ADD3: variants seen among roughly 807,000 people sequenced by gnomAD.
ADD3 encodes adducin 3.
ADD3 carries 25 observed loss-of-function variants against 80.2 expected under a neutral mutation model. That is an observed-to-expected ratio of 0.31 (90% CI 0.23 to 0.44). ADD3 has a LOEUF of 0.44. Ranked by LOEUF, ADD3 falls within the 20% of genes least tolerant of loss-of-function variation. ADD3 has a pLI of 1.00. For synonymous variants in ADD3, 284 were observed against 289.6 expected, an observed-to-expected ratio of 0.98 and a Z score of 0.20; for missense variants, 829 against 847.5, an observed-to-expected ratio of 0.98 and a Z score of 0.27.
chr10:110,026,966 A>T (rs984510509), intron 1 of ADD3, among the ~76,000 whole-genome samples: 1 of 152,194 alleles, frequency 6.6e-6, no homozygotes, highest in African/African-American at 2.4e-5. Context: ...GGGTCCCAAA[A>T]TCATCAGATG....
In ADD3 at chr10:110,116,192, T is replaced by G. The variant is rs1850707354; in HGVS notation, c.335-67T>G. 2.6e-6 allele frequency: 4 copies of G among 1,553,612 alleles called. No individual in the cohort carries two copies. In the South Asian group the frequency reaches 3.6e-5, roughly 14 times the overall value. On this transcript the variant is annotated intron_variant, in intron 3 of 14. Transcript: ENST00000356080. ...ATACTCCCAGACGCAGGCTACTTCCTGGCAACTAATTTCCAGGTAAGGGAT... is the reference window on the plus strand; with the variant it reads ...ATACTCCCAGACGCAGGCTACTTCCGGGCAACTAATTTCCAGGTAAGGGAT...
intron 3 of ADD3, among the ~76,000 whole-genome samples, chr10:110,115,021 G>A (rs1042861943): frequency 6.7e-6 from 1 of 149,560 alleles, no homozygotes; most frequent in Non-Finnish European, 1.5e-5. Flanking sequence ...CGAGGCTGCA[G>A]TGAGCCATGA....
intron 1 of ADD3, among the ~76,000 whole-genome samples, chr10:110,092,701 A>G (rs1590083619): frequency 6.6e-6 from 1 of 152,142 alleles, no homozygotes; most frequent in Non-Finnish European, 1.5e-5. Flanking sequence ...AGACCTGCAC[A>G]TGTACCCCCT....
rs564837323 is a variant in ADD3, at chr10:110,121,590, A to C, written c.961-520A>C. Among the ~76,000 whole-genome samples, 118 of 152,304 alleles carry C rather than the reference A, an allele frequency of 7.7e-4. 1 individual carries two copies. Among genetic ancestry groups the C allele is most frequent in the African/African-American group, 2.8e-3 (115 of 41,564 alleles). ...GGGGGAAAAGAACAACTAAAAAAAA[A>C]CTTTTTCTACCAACATTAACTTGTC... On this transcript the variant is annotated intron_variant, in intron 8 of 14. Transcript: ENST00000356080.
chr10:110,131,336 C>T (rs1410089791), intron 13 of ADD3, among the ~76,000 whole-genome samples: 1 of 152,150 alleles, frequency 6.6e-6, no homozygotes, highest in Non-Finnish European at 1.5e-5. Context: ...TATCTTGAGT[C>T]TTTGGATAAG....
At chr10:110,107,930 T>C (rs185475349) in intron 2 of ADD3, among the ~76,000 whole-genome samples, 2 of 152,298 alleles carry the variant, frequency 1.3e-5, no homozygotes, top group Admixed American at 1.3e-4. Context: ...GATGGCATTC[T>C]GGTTTATTCA....
chr10:110,081,302 G>GC (rs1291374712), intron 1 of ADD3, among the ~76,000 whole-genome samples: 14 of 152,170 alleles, frequency 9.2e-5, no homozygotes, highest in African/African-American at 2.9e-4. Flanking sequence ...AGACCTTCTA[G>GC]CAGCCAAGCA....
chr10:110,112,639 G>C (rs993973549), intron 2 of ADD3, 138 bp from the exon 3 acceptor site: 16 of 1,001,418 alleles, frequency 1.6e-5, no homozygotes, highest in Admixed American at 3.1e-5. Context: ...TTATTATTTT[G>C]TGTTTTATAT....
At chr10:110,125,092 A>G (rs1264712115) in intron 10 of ADD3, among the ~76,000 whole-genome samples, 6 of 152,194 alleles carry the variant, frequency 3.9e-5, no homozygotes, top group African/African-American at 1.4e-4. Flanking sequence ...TCAATATGAA[A>G]ATACCTAGGC....
At chr10:110,008,335 CCT>C (rs1851878381) in intron 1 of ADD3, 36 bp downstream of exon 1, 1 of 152,312 alleles carries the variant, frequency 6.6e-6, no homozygotes, top group South Asian at 2.1e-4. Flanking sequence ...CGTCGTCCCG[CCT>C]CTCTTCCGGG....
At chr10:110,050,039 T>C (rs551543578) in intron 1 of ADD3, among the ~76,000 whole-genome samples, 65 of 152,142 alleles carry the variant, frequency 4.3e-4, no homozygotes, top group Non-Finnish European at 8.5e-4. Context: ...GTAACTAACT[T>C]GATTTTGATT....
chr10:110,033,302 A>G (rs1225854998), intron 1 of ADD3, among the ~76,000 whole-genome samples: 1 of 152,234 alleles, frequency 6.6e-6, no homozygotes, highest in African/African-American at 2.4e-5. Context: ...GTTAGATGCC[A>G]ACAGACTAAT....
chr10:110,070,940 TG>T (rs139797850), intron 1 of ADD3, among the ~76,000 whole-genome samples: 16,717 of 124,344 alleles, frequency 0.13, 3,277 homozygotes, highest in African/African-American at 0.48. Flanking sequence ...ACACATCATG[TG>T]GGTTTTTTTT....
chr10:110,003,120 T>C (rs1208338229), upstream of ADD3, among the ~76,000 whole-genome samples: 2 of 152,186 alleles, frequency 1.3e-5, no homozygotes, highest in African/African-American at 4.8e-5. Context: ...TTGAAAAGGC[T>C]GTTGTGCTTC....
intron 1 of ADD3, among the ~76,000 whole-genome samples, chr10:110,076,727 A>T (rs901287376): frequency 5.3e-5 from 8 of 152,220 alleles, no homozygotes; most frequent in Non-Finnish European, 2.9e-5. Context: ...ATAGTACTCT[A>T]CTTCCATCTA....
intron 1 of ADD3, among the ~76,000 whole-genome samples, chr10:110,015,196 T>G (rs998760875): frequency 4.6e-5 from 7 of 152,182 alleles, no homozygotes. Context: ...AACTGTCTGC[T>G]TGTTAAATTT....
At chr10:110,073,333 G>A (rs1207392293) in intron 1 of ADD3, among the ~76,000 whole-genome samples, 1 of 151,586 alleles carries the variant, frequency 6.6e-6, no homozygotes, top group Non-Finnish European at 1.5e-5. Context: ...TAATAGAGAC[G>A]GGATTTCACC....
chr10:110,008,494 T>G (rs1589697055), intron 1 of ADD3, 195 bp downstream of exon 1: 1 of 139,946 alleles, frequency 7.1e-6, no homozygotes, highest in Admixed American at 7.1e-5. Context: ...GGGGCGGGAG[T>G]GGGGACCACG....
At chr10:110,060,103 C>A (rs1858704222) in intron 1 of ADD3, among the ~76,000 whole-genome samples, 1 of 152,214 alleles carries the variant, frequency 6.6e-6, no homozygotes, top group African/African-American at 2.4e-5. Flanking sequence ...TAGACTGCGA[C>A]TTCCTGTTCA....
Sources: gnomAD v4.1 joint callset for allele counts (sites outside exome capture counted in the v4.1 genomes callset) on GRCh38, gnomAD v4.1.1 for gene constraint, MANE v1.5 for transcripts, NCBI Gene and HGNC (gene_info 2026-07-23, HGNC 2026-07-21) for gene names.